FRMD4B: variants seen among roughly 807,000 people sequenced by gnomAD.
FRMD4B encodes the protein FERM domain-containing protein 4B.
FRMD4B carries 74 observed loss-of-function variants against 141.5 expected under a neutral mutation model. The ratio of observed to expected loss-of-function variants is 0.52; its 90% confidence interval spans 0.43 to 0.63. The LOEUF is 0.63. Ranked by LOEUF, FRMD4B falls within the 30% of genes least tolerant of loss-of-function variation. FRMD4B has a pLI of 0.00. For synonymous variants in FRMD4B, 506 were observed against 467.9 expected (o/e 1.08, Z -1.05); for missense variants, 1,366 against 1,253.4 (o/e 1.09, Z -1.36).
chr3:69,282,897 A>AG (rs2093650590), intron 5 of FRMD4B, among the ~76,000 whole-genome samples: 1 of 152,010 alleles, frequency 6.6e-6, no homozygotes, highest in Non-Finnish European at 1.5e-5. Context: ...TTGGCTTCCC[A>AG]AAGTGTTGGG....
At chr3:69,285,609 C>T (rs553421500) in intron 5 of FRMD4B, among the ~76,000 whole-genome samples, 13 of 151,868 alleles carry the variant, frequency 8.6e-5, no homozygotes, top group African/African-American at 1.2e-4. Flanking sequence ...TTGGGAGGCT[C>T]GAGGCAGGTG....
At chr3:69,253,146 G>A (rs1428433051) in intron 5 of FRMD4B, among the ~76,000 whole-genome samples, 1 of 151,204 alleles carries the variant, frequency 6.6e-6, no homozygotes, top group East Asian at 1.9e-4. Context: ...AGATAGTTTT[G>A]GGGCTCGCAA....
chr3:69,535,067 C>A (rs1701064574), intron 1 of FRMD4B, among the ~76,000 whole-genome samples: 1 of 152,176 alleles, frequency 6.6e-6, no homozygotes, highest in African/African-American at 2.4e-5. Context: ...CTCCAAATAA[C>A]CTGATGAGGT....
intron 2 of FRMD4B, among the ~76,000 whole-genome samples, chr3:69,423,848 T>C (rs1206075816): frequency 6.6e-6 from 1 of 152,132 alleles, no homozygotes; most frequent in Non-Finnish European, 1.5e-5. Context: ...AGGACCCTCA[T>C]CCATTGACAC....
At chr3:69,475,452 T>C (rs1705976115) in intron 1 of FRMD4B, among the ~76,000 whole-genome samples, 2 of 150,648 alleles carry the variant, frequency 1.3e-5, no homozygotes, top group African/African-American at 4.9e-5. Context: ...TGAGAATATG[T>C]GGTGTTTGGT....
intron 17 of FRMD4B, among the ~76,000 whole-genome samples, chr3:69,191,677 G>C (rs528424706): frequency 6.6e-6 from 1 of 152,198 alleles, no homozygotes; most frequent in Admixed American, 6.5e-5. Flanking sequence ...TGAAGGCAAG[G>C]TGCCAGTATA....
intron 2 of FRMD4B, among the ~76,000 whole-genome samples, chr3:69,425,145 T>C (rs1705055284): frequency 6.6e-6 from 1 of 152,232 alleles, no homozygotes; most frequent in South Asian, 2.1e-4. Context: ...AGTTAATTTA[T>C]ATAGTATTTC....
chr3:69,195,474 T>C (rs1168734935), intron 14 of FRMD4B, 110 bp from the exon 15 acceptor site: 2 of 822,804 alleles, frequency 2.4e-6, no homozygotes, highest in African/African-American at 1.8e-5. Context: ...AGTTTATTTC[T>C]TTTCTCCTTG....
chr3:69,383,318 A>G (rs1704166544), intron 1 of FRMD4B, among the ~76,000 whole-genome samples: 1 of 152,220 alleles, frequency 6.6e-6, no homozygotes, highest in African/African-American at 2.4e-5. Flanking sequence ...TTTGCAAAGG[A>G]TTATGTTGCA....
intron 11 of FRMD4B, among the ~76,000 whole-genome samples, chr3:69,214,635 G>C (rs113402078): frequency 0.088 from 13,459 of 152,188 alleles, 623 homozygotes; most frequent in Middle Eastern, 0.11. Context: ...AAGGTGGGAA[G>C]ATCGCTTGAG....
chr3:69,264,661 C>T (rs1387992532), intron 5 of FRMD4B, among the ~76,000 whole-genome samples: 19 of 152,124 alleles, frequency 1.2e-4, no homozygotes, highest in Non-Finnish European at 2.6e-4. Flanking sequence ...TCTGGCTTTA[C>T]TTTCTACAAA....
intron 16 of FRMD4B, among the ~76,000 whole-genome samples, 195 bp from the exon 17 acceptor site, chr3:69,194,068 C>A (rs12053848): frequency 5.3e-5 from 8 of 152,296 alleles, no homozygotes; most frequent in African/African-American, 1.9e-4. Flanking sequence ...TCTCATTAGT[C>A]CAAACCTCTT....
intron 2 of FRMD4B, among the ~76,000 whole-genome samples, chr3:69,410,468 G>A (rs1559519650): frequency 1.3e-5 from 2 of 151,930 alleles, no homozygotes; most frequent in Non-Finnish European, 1.5e-5. Flanking sequence ...GAGTACGTGA[G>A]TGTATGTGAG....
intron 2 of FRMD4B, among the ~76,000 whole-genome samples, chr3:69,419,255 T>C (rs1704927646): frequency 6.6e-6 from 1 of 152,148 alleles, no homozygotes; most frequent in African/African-American, 2.4e-5. Flanking sequence ...TCAATGAAGA[T>C]GAATATGGAG....
At chr3:69,391,085 T>C (rs1445862364), upstream of FRMD4B, among the ~76,000 whole-genome samples, 1 of 152,028 alleles carries the variant, frequency 6.6e-6, no homozygotes, top group African/African-American at 2.4e-5. Flanking sequence ...TATAATGAAC[T>C]CAAAGTCTTT....
At chr3:69,288,006 T>G (rs1387714570) in intron 4 of FRMD4B, among the ~76,000 whole-genome samples, 170 bp from the exon 5 acceptor site, 1 of 152,256 alleles carries the variant, frequency 6.6e-6, no homozygotes, top group Non-Finnish European at 1.5e-5. Context: ...GTGATGGATG[T>G]ATGTGTATGT....
Position 69,235,432 on chromosome 3 carries a change from G to C in FRMD4B, c.582-10742C>G, listed in dbSNP as rs1032998860. 5.9e-5 allele frequency among the ~76,000 whole-genome samples: 9 copies of C among 151,992 alleles called. 1 individual carries two copies. The highest frequency in any genetic ancestry group is 6.8e-3 in the Middle Eastern group (2 of 292). On this transcript the variant is annotated intron_variant, in intron 7 of 22. Transcript: ENST00000398540. The stretch of plus-strand genomic sequence containing the variant: ...CCCAGCACTTTGGGAGGCAGAGGTG[G>C]GTGGATCACCTGAGGTCAAGAGTTC...
At chr3:69,199,597 C>T (rs766289781) in intron 11 of FRMD4B, among the ~76,000 whole-genome samples, 1 of 152,192 alleles carries the variant, frequency 6.6e-6, no homozygotes, top group Non-Finnish European at 1.5e-5. Context: ...AGAAACCTAG[C>T]ACCAGTAATT....
chr3:69,379,798 T>G (rs956013929), intron 1 of FRMD4B, among the ~76,000 whole-genome samples: 1 of 152,194 alleles, frequency 6.6e-6, no homozygotes, highest in Non-Finnish European at 1.5e-5. Context: ...CAGACACAAC[T>G]GCTCAATCTT....
Sources: allele counts gnomAD v4.1 joint callset (sites outside exome capture counted in the v4.1 genomes callset), GRCh38; gene constraint gnomAD v4.1.1; transcripts MANE v1.5; gene names NCBI Gene and HGNC (gene_info 2026-07-23, HGNC 2026-07-21).